FMN2: variants seen among roughly 807,000 people sequenced by gnomAD.
The protein encoded by FMN2 is formin 2.
Under a neutral mutation model 142.3 loss-of-function variants are expected in FMN2, and 51 were observed. That is an observed-to-expected ratio of 0.36 (90% CI 0.29 to 0.45). FMN2 has a LOEUF of 0.45. FMN2 is among the 20% of genes least tolerant of loss of function. The pLI is 1.00. For missense variants in FMN2, 1,936 were observed against 2,122.8 expected (o/e 0.91, Z 1.73); for synonymous variants, 882 against 869.8 (o/e 1.01, Z -0.25).
At chr1:240,355,951 CAAA>C (rs58002724) in intron 14 of FMN2, 43 bp downstream of exon 14, 620 of 251,988 alleles carry the variant, frequency 2.5e-3, no homozygotes, top group Non-Finnish European at 3.3e-3. Context: ...CCCCTTTCAG[CAAA>C]AAAAAAAAAA....
intron 2 of FMN2, among the ~76,000 whole-genome samples, chr1:240,166,505 C>G (rs1664488186): frequency 6.6e-6 from 1 of 152,122 alleles, no homozygotes; most frequent in African/African-American, 2.4e-5. Flanking sequence ...GCTGGCATTA[C>G]AGATGTGAGC....
At chr1:240,298,861 C>T (rs1670088118) in intron 8 of FMN2, among the ~76,000 whole-genome samples, 1 of 152,096 alleles carries the variant, frequency 6.6e-6, no homozygotes, top group Admixed American at 6.6e-5. Flanking sequence ...CTCCTTTCTT[C>T]CTTTCCTGGG....
intron 4 of FMN2, among the ~76,000 whole-genome samples, chr1:240,200,423 G>C (rs527705236): frequency 1.3e-5 from 2 of 152,238 alleles, no homozygotes; most frequent in Admixed American, 1.3e-4. Context: ...TATCTCAGCT[G>C]ACTTTCTGAA....
chr1:240,141,423 C>A (rs910530523), intron 2 of FMN2, among the ~76,000 whole-genome samples: 2 of 152,134 alleles, frequency 1.3e-5, no homozygotes, highest in African/African-American at 4.8e-5. Flanking sequence ...ACGATCTCGG[C>A]TCACTGCAAA....
intron 16 of FMN2, among the ~76,000 whole-genome samples, chr1:240,446,875 C>T (rs1340988824): frequency 1.3e-5 from 2 of 152,196 alleles, no homozygotes. Context: ...CATTCACACA[C>T]TCCTCCTGCT....
chr1:240,434,728 A>ATTTTTTTTT (rs34969961), intron 15 of FMN2, among the ~76,000 whole-genome samples: 1 of 130,762 alleles, frequency 7.6e-6, no homozygotes, highest in African/African-American at 2.9e-5. Context: ...CACCCTGCTA[A>ATTTTTTTTT]TTTTTTTTTT....
chr1:240,180,233 C>G, intron 3 of FMN2: 4 of 1,177,898 alleles, frequency 3.4e-6, no homozygotes. Flanking sequence ...ATCTATAAAC[C>G]CCAGCAGTCA....
intron 2 of FMN2, chr1:240,142,759 G>A (rs1454196288): frequency 2.7e-5 from 44 of 1,603,120 alleles, no homozygotes; most frequent in South Asian, 5.5e-5. Context: ...AATTCTGCCC[G>A]TTCCCCGTGG....
At chr1:240,321,481 T>C (rs1200432260) in intron 8 of FMN2, among the ~76,000 whole-genome samples, 1 of 152,250 alleles carries the variant, frequency 6.6e-6, no homozygotes, top group African/African-American at 2.4e-5. Flanking sequence ...CTGGGAGCTC[T>C]GTGTAAATCA....
chr1:240,191,383 C>T (rs1358889164), intron 4 of FMN2, among the ~76,000 whole-genome samples: 1 of 152,210 alleles, frequency 6.6e-6, no homozygotes, highest in Non-Finnish European at 1.5e-5. Context: ...ACAGCTGGCA[C>T]TCAAGTGAAA....
At chr1:240,166,236 AT>A (rs1042645952) in intron 2 of FMN2, among the ~76,000 whole-genome samples, 5 of 150,122 alleles carry the variant, frequency 3.3e-5, no homozygotes, top group East Asian at 1.9e-4. Flanking sequence ...ATTATTATTA[AT>A]TTTTTTTTGG....
At chr1:240,225,227 C>G (rs1268355294) in intron 6 of FMN2, among the ~76,000 whole-genome samples, 2 of 152,126 alleles carry the variant, frequency 1.3e-5, no homozygotes, top group Non-Finnish European at 2.9e-5. Flanking sequence ...CTCACAGGAG[C>G]AACTGGAGAG....
At chr1:240,363,572 T>C (rs1047115817) in intron 14 of FMN2, among the ~76,000 whole-genome samples, 4 of 152,280 alleles carry the variant, frequency 2.6e-5, no homozygotes, top group African/African-American at 4.8e-5. Flanking sequence ...TCTTGTCTCG[T>C]GTGCGTGCGT....
chr1:240,375,897 GATTGTCT>G (rs1399585632), intron 14 of FMN2, among the ~76,000 whole-genome samples: 2 of 152,050 alleles, frequency 1.3e-5, no homozygotes, highest in Non-Finnish European at 2.9e-5. Flanking sequence ...TACAACTTTT[GATTGTCT>G]ATTTTTTCTT....
At chr1:240,170,225 C>T in intron 2 of FMN2, 1 of 1,272,808 alleles carries the variant, frequency 7.9e-7, no homozygotes, top group East Asian at 2.4e-5. Context: ...GCTGGAAAGC[C>T]TCTCTCCGTA....
chr1:240,316,795 G>A (rs1005592237), intron 8 of FMN2, among the ~76,000 whole-genome samples: 7 of 152,056 alleles, frequency 4.6e-5, no homozygotes, highest in Non-Finnish European at 1.0e-4. Context: ...AGTACACTGT[G>A]TCCCATATAC....
chr1:240,130,447 T>C (rs1428876944), intron 2 of FMN2, among the ~76,000 whole-genome samples: 2 of 152,082 alleles, frequency 1.3e-5, no homozygotes, highest in Non-Finnish European at 2.9e-5. Context: ...GGATTACAGG[T>C]GGATGCTACC....
At chr1:240,193,096 G>A (rs1177936545) in intron 4 of FMN2, among the ~76,000 whole-genome samples, 1 of 152,100 alleles carries the variant, frequency 6.6e-6, no homozygotes, top group African/African-American at 2.4e-5. Flanking sequence ...TAATATCTTT[G>A]CTCTATTGAG....
chr1:240,461,812 A>T (rs545820996), intron 16 of FMN2, among the ~76,000 whole-genome samples: 1 of 152,112 alleles, frequency 6.6e-6, no homozygotes, highest in South Asian at 2.1e-4. Flanking sequence ...GGCATCACTC[A>T]TGTTTGGTCA....
Sources: gnomAD v4.1 joint callset for allele counts (sites outside exome capture counted in the v4.1 genomes callset) on GRCh38, gnomAD v4.1.1 for gene constraint, MANE v1.5 for transcripts, NCBI Gene and HGNC (gene_info 2026-07-23, HGNC 2026-07-21) for gene names.